LRP1B: variants seen among roughly 807,000 people sequenced by gnomAD.
LRP1B encodes the protein low-density lipoprotein receptor-related protein 1B.
Under a neutral mutation model 556.6 loss-of-function variants are expected in LRP1B, and 217 were observed. The observed-to-expected ratio is 0.39, with a 90% CI of 0.35 to 0.44. LRP1B has a LOEUF of 0.44. Among genes scored for constraint, LRP1B ranks in the 20% least tolerant of loss-of-function variants. The pLI is 1.00. For synonymous variants in LRP1B, 2,047 were observed against 1,865.8 expected, an observed-to-expected ratio of 1.10 and a Z score of -2.50; for missense variants, 5,053 against 5,620.8, an observed-to-expected ratio of 0.90 and a Z score of 3.23.
chr2:141,672,347 C>T (rs17800425), intron 2 of LRP1B, among the ~76,000 whole-genome samples: 12,110 of 152,076 alleles, frequency 0.08, 618 homozygotes, highest in South Asian at 0.15. Flanking sequence ...GGTCCCAGGG[C>T]ATTGTGCAGT....
At chr2:141,548,358 T>A (rs1685626152) in intron 2 of LRP1B, among the ~76,000 whole-genome samples, 1 of 152,208 alleles carries the variant, frequency 6.6e-6, no homozygotes, top group African/African-American at 2.4e-5. Flanking sequence ...AATAGGTAGA[T>A]AAAATGAAGG....
chr2:140,290,433 A>G (rs1265491821), intron 84 of LRP1B, among the ~76,000 whole-genome samples: 1 of 152,108 alleles, frequency 6.6e-6, no homozygotes, highest in Non-Finnish European at 1.5e-5. Context: ...TCTCATTAAG[A>G]GGAAAAGAGT....
chr2:142,089,785 G>A (rs917995135), intron 1 of LRP1B, among the ~76,000 whole-genome samples: 1 of 152,088 alleles, frequency 6.6e-6, no homozygotes, highest in African/African-American at 2.4e-5. Context: ...AATTTAACTG[G>A]AATAATGAAA....
At chr2:141,225,705 G>T (rs1428700432) in intron 6 of LRP1B, among the ~76,000 whole-genome samples, 1 of 152,128 alleles carries the variant, frequency 6.6e-6, no homozygotes, top group Non-Finnish European at 1.5e-5. Flanking sequence ...GAAATTTAAT[G>T]TCTATCATTT....
At chr2:141,436,460 A>G (rs909429898) in intron 3 of LRP1B, among the ~76,000 whole-genome samples, 1 of 152,174 alleles carries the variant, frequency 6.6e-6, no homozygotes, top group African/African-American at 2.4e-5. Context: ...CAAAACATTC[A>G]TTCAGTAGGT....
chr2:140,262,761 A>C (rs926228935), intron 86 of LRP1B, among the ~76,000 whole-genome samples: 2 of 152,118 alleles, frequency 1.3e-5, no homozygotes, highest in Non-Finnish European at 2.9e-5. Context: ...CCCTTTGTGA[A>C]TGCCCAAGCA....
chr2:141,518,585 A>AT (rs1220749810), intron 2 of LRP1B, among the ~76,000 whole-genome samples: 2 of 152,016 alleles, frequency 1.3e-5, no homozygotes, highest in Non-Finnish European at 2.9e-5. Flanking sequence ...AAGTGTTTGG[A>AT]TTTTTTCCCA....
chr2:141,326,292 G>A (rs1425850019), intron 3 of LRP1B, among the ~76,000 whole-genome samples: 1 of 152,040 alleles, frequency 6.6e-6, no homozygotes, highest in South Asian at 2.1e-4. Context: ...TATCTAGATC[G>A]ACAATAGGAA....
At chr2:140,415,389 T>C (rs1488796792) in intron 66 of LRP1B, among the ~76,000 whole-genome samples, 3 of 152,174 alleles carry the variant, frequency 2.0e-5, no homozygotes, top group African/African-American at 4.8e-5. Context: ...TCTTTGTACC[T>C]ACTCCCTGTT....
intron 90 of LRP1B, 72 bp from the exon 91 acceptor site, chr2:140,233,398 G>C (rs576540338): frequency 9.9e-7 from 1 of 1,011,070 alleles, no homozygotes; most frequent in Non-Finnish European, 1.4e-6. Context: ...TTCCTAGAAT[G>C]TCCATCTCCT....
rs550217107 is a variant in LRP1B, at chr2:141,647,393, A to C, written c.205+162886T>G. Among the ~76,000 whole-genome samples the C allele has an allele frequency of 5.3e-5, 8 of 152,266 alleles. No homozygotes were observed. The South Asian group carries it at 1.7e-3, about 32-fold the overall frequency. On this transcript the variant is annotated intron_variant, in intron 2 of 90. Transcript: ENST00000389484. ...CACCAGGAGAAATTGTCTATTGTTT[A>C]AGTCACTGAGTGTTGGGGGTTAATT...
At chr2:141,362,342 A>G (rs1688855485) in intron 3 of LRP1B, among the ~76,000 whole-genome samples, 1 of 152,186 alleles carries the variant, frequency 6.6e-6, no homozygotes, top group African/African-American at 2.4e-5. Flanking sequence ...CATGCATTGC[A>G]TTTTGGGAAG....
intron 1 of LRP1B, among the ~76,000 whole-genome samples, chr2:141,967,840 T>C (rs920345773): frequency 2.6e-5 from 4 of 151,888 alleles, no homozygotes; most frequent in Non-Finnish European, 5.9e-5. Context: ...TGAGTTTATA[T>C]CTCTTTAGTT....
At chr2:140,553,321 T>C (rs925028929) in intron 43 of LRP1B, among the ~76,000 whole-genome samples, 5 of 151,856 alleles carry the variant, frequency 3.3e-5, no homozygotes, top group East Asian at 1.9e-4. Flanking sequence ...GTAGAACAAA[T>C]ACAAGATGCC....
chr2:141,312,087 G>C lies in LRP1B; in HGVS notation c.344-57446C>G, dbSNP rs918849273. 7.9e-5 allele frequency among the ~76,000 whole-genome samples: 12 copies of C among 152,244 alleles called. No individual in the cohort carries two copies. In the East Asian group the frequency reaches 2.3e-3, roughly 29 times the overall value. On this transcript the variant is annotated intron_variant, in intron 3 of 90. Coordinates refer to ENST00000389484, the MANE Select transcript of LRP1B (RefSeq NM_018557.3). ...TTACAGTTGACCCTTGAATAATACT[G>C]GTTTGAAATGCATGGGTTTACCATA...
chr2:141,489,000 G>A (rs555703216), intron 2 of LRP1B, among the ~76,000 whole-genome samples: 8 of 147,868 alleles, frequency 5.4e-5, no homozygotes, highest in South Asian at 4.2e-4. Context: ...TTTTTGAGAC[G>A]GGGTCTTGTT....
chr2:141,058,953 A>T lies in LRP1B; in HGVS notation c.1338T>A (p.Asp446Glu), dbSNP rs773453396. Residue 446 changes from aspartate to glutamate, a missense_variant, in exon 9 of 91, where the codon GAT (aspartate) becomes GAA (glutamate). Physicochemically the swap from Asp to Glu is conservative, Grantham distance 45 (BLOSUM62 2). Transcript: ENST00000389484. The stretch of plus-strand genomic sequence containing the variant: ...TCTCAATTTTAATTAATGAGTGAAT[A>T]TCAGTCCCATTAAATCGGTTTATCC... ...IVRINRFNGT[D>E]IHSLIKIENA... is the part of the protein sequence containing the mutation. 1.2e-6 allele frequency: 2 copies of T among 1,601,160 alleles called. No individual in the cohort carries two copies. The highest frequency in any genetic ancestry group is 1.7e-6 in the Non-Finnish European group (2 of 1,173,462).
In LRP1B at chr2:140,883,947, C is replaced by T; in HGVS notation, c.4039G>A (p.Gly1347Arg). ...PEGLTVDWIA[G>R]NIYWIDSNLD... ...TTGCTGTCTATCCAGTATATGTTTC[C>T]TGCTATCCAGTCGACTGTCAGGCCT... The change falls in exon 25 of 91, where the codon GGA becomes AGA. Residue 1347 changes from glycine to arginine, a missense_variant. Physicochemically the swap from Gly to Arg is moderately radical, Grantham distance 125 (BLOSUM62 -2). Coordinates refer to ENST00000389484, the MANE Select transcript of LRP1B (RefSeq NM_018557.3). The T allele has an allele frequency of 1.2e-6, 2 of 1,613,658 alleles. No homozygotes were observed. Among genetic ancestry groups the T allele is most frequent in the Non-Finnish European group, 1.7e-6 (2 of 1,179,934 alleles).
At chr2:141,135,197 C>T (rs1190992608) in intron 7 of LRP1B, among the ~76,000 whole-genome samples, 1 of 151,798 alleles carries the variant, frequency 6.6e-6, no homozygotes, top group Non-Finnish European at 1.5e-5. Context: ...TATTAATATT[C>T]ATTCGTATGA....
Sources: gnomAD v4.1 joint callset for allele counts (sites outside exome capture counted in the v4.1 genomes callset) on GRCh38, gnomAD v4.1.1 for gene constraint, MANE v1.5 for transcripts, NCBI Gene and HGNC (gene_info 2026-07-23, HGNC 2026-07-21) for gene names.